DNAJC6: variants seen among roughly 807,000 people sequenced by gnomAD.
DNAJC6 encodes the protein DnaJ heat shock protein family (Hsp40) member C6, also known as auxilin.
A neutral mutation model predicts 110.0 loss-of-function variants in DNAJC6; 34 were observed. That is an observed-to-expected ratio of 0.31 (90% CI 0.24 to 0.41). DNAJC6 has a LOEUF of 0.41. Among genes scored for constraint, DNAJC6 ranks in the 10% least tolerant of loss-of-function variants. The pLI is 1.00. For missense variants in DNAJC6, 1,031 were observed against 1,207.8 expected (o/e 0.85, Z 2.17); for synonymous variants, 406 against 437.2 (o/e 0.93, Z 0.89).
chr1:65,407,618 T>C (rs1453459500), intron 16 of DNAJC6, among the ~76,000 whole-genome samples: 1 of 152,180 alleles, frequency 6.6e-6, no homozygotes, highest in African/African-American at 2.4e-5. Context: ...AGCAGGGATA[T>C]TTCCTGGACA....
At chr1:65,329,936 C>T (rs1243868093) in intron 1 of DNAJC6, among the ~76,000 whole-genome samples, 2 of 152,158 alleles carry the variant, frequency 1.3e-5, no homozygotes, top group Admixed American at 6.5e-5. Context: ...CTTGGTGCAA[C>T]ATACATTCTT....
At chr1:65,313,861 G>A (rs1645124954) in intron 1 of DNAJC6, among the ~76,000 whole-genome samples, 1 of 152,226 alleles carries the variant, frequency 6.6e-6, no homozygotes, top group East Asian at 1.9e-4. Context: ...TCATTTAAAG[G>A]TCATCCTGTC....
At position 65,366,190 on chromosome 1, in the gene DNAJC6, C is replaced by T. The variant is rs1242825487; in HGVS notation, c.537C>T (p.His179=). 1.2e-6 allele frequency: 2 copies of T among 1,613,432 alleles called. No homozygotes were observed. Among genetic ancestry groups the T allele is most frequent in the East Asian group, 4.5e-5 (2 of 44,872 alleles). Residue 179 remains histidine (H), a synonymous_variant, in exon 4 of 19, where the codon CAC becomes CAT. Transcript: ENST00000371069. ...AGTCTTATCGAACTGCCAAGTTTCACAGCCGGGTAAGGATTTTTAGCCCTG... is the reference window on the plus strand; with the variant it reads ...AGTCTTATCGAACTGCCAAGTTTCATAGCCGGGTAAGGATTTTTAGCCCTG... ...SPKSYRTAKF[H]SRVSECSWPI... is the part of the protein sequence containing the mutation.
At chr1:65,364,981 G>A (rs1281365961) in intron 2 of DNAJC6, among the ~76,000 whole-genome samples, 196 bp downstream of exon 2, 1 of 152,180 alleles carries the variant, frequency 6.6e-6, no homozygotes, top group East Asian at 1.9e-4. Context: ...GGAGGACTCA[G>A]TTCATTGCCA....
At chr1:65,378,207 CT>C (rs1033108232) in intron 4 of DNAJC6, among the ~76,000 whole-genome samples, 4 of 152,180 alleles carry the variant, frequency 2.6e-5, no homozygotes, top group Admixed American at 1.3e-4. Context: ...CCTTTAGGCT[CT>C]TGTTATCCAT....
intron 1 of DNAJC6, among the ~76,000 whole-genome samples, chr1:65,337,214 G>A (rs1023153111): frequency 2.0e-5 from 3 of 149,372 alleles, no homozygotes; most frequent in African/African-American, 7.4e-5. Flanking sequence ...TTCCATCGGG[G>A]ATATACAATG....
intron 4 of DNAJC6, among the ~76,000 whole-genome samples, chr1:65,368,633 T>A (rs1204304774): frequency 6.7e-6 from 1 of 149,570 alleles, no homozygotes; most frequent in Non-Finnish European, 1.5e-5. Context: ...CTCCTTCTCC[T>A]CCTCCTCATT....
At position 65,293,145 on chromosome 1, in the gene DNAJC6, AACAACACAC is replaced by A. The variant is rs1398526629; in HGVS notation, c.-131+28216_-131+28224del. ...AGAACATCATAGACTGGATAGCATA[AACAACACAC>A]ACTTATATCTCACCATTCTGGTGGC... is the stretch of plus-strand genomic sequence containing the variant. On this transcript the variant is annotated intron_variant, in intron 1 of 19. Coordinates refer to the DNAJC6 transcript ENST00000263441. Among the ~76,000 whole-genome samples the A allele has an allele frequency of 2.6e-5, 4 of 152,352 alleles. No homozygotes were observed. The East Asian group carries it at 7.7e-4, about 29-fold the overall frequency.
At chr1:65,380,937 T>G (rs1286435631) in intron 5 of DNAJC6, among the ~76,000 whole-genome samples, 20 of 145,194 alleles carry the variant, frequency 1.4e-4, no homozygotes, top group East Asian at 4.0e-4. Context: ...TTTTTTTTTT[T>G]GGGACCGAGT....
At chr1:65,364,360 G>A (rs1383931609) in intron 1 of DNAJC6, among the ~76,000 whole-genome samples, 1 of 151,940 alleles carries the variant, frequency 6.6e-6, no homozygotes, top group Non-Finnish European at 1.5e-5. Flanking sequence ...CATATTTCAG[G>A]CGCTCAATTG....
chr1:65,388,101 A>G (rs1645889722), intron 8 of DNAJC6, among the ~76,000 whole-genome samples: 1 of 152,230 alleles, frequency 6.6e-6, no homozygotes, highest in Non-Finnish European at 1.5e-5. Context: ...GCCTGTGTGC[A>G]AGAACATAGT....
intron 1 of DNAJC6, among the ~76,000 whole-genome samples, chr1:65,275,998 C>A (rs533508588): frequency 6.3e-4 from 95 of 150,968 alleles, no homozygotes; most frequent in African/African-American, 2.3e-3. Context: ...AAGCGATCTT[C>A]AGCCTCCTGA....
In DNAJC6 at chr1:65,401,886, A is replaced by G; in HGVS notation, c.2227+6A>G. 1 of 1,612,554 alleles carries G rather than the reference A, an allele frequency of 6.2e-7. No homozygotes were observed. The highest frequency in any genetic ancestry group is 1.3e-5 in the African/African-American group (1 of 74,854). ...TGCCGACCTTGGGACACTAGGTACAAACTCAGAAGATCAAGATACAAATAA... is the reference window on the plus strand; with the variant it reads ...TGCCGACCTTGGGACACTAGGTACAGACTCAGAAGATCAAGATACAAATAA... On this transcript the variant is annotated splice_donor_region_variant and intron_variant, in intron 15 of 18. Transcript: ENST00000371069.
At position 65,372,430 on chromosome 1, in the gene DNAJC6, C is replaced by T. The variant is rs578071204; in HGVS notation, c.543+6234C>T. ...CTGAGCACCTACCATATGAGCAACA[C>T]ATGCACAGTGGACACTGGGGTTACA... On this transcript the variant is annotated intron_variant, in intron 4 of 18. Coordinates refer to ENST00000371069, the MANE Select transcript of DNAJC6 (RefSeq NM_001256864.2). 3.3e-5 allele frequency among the ~76,000 whole-genome samples: 5 copies of T among 152,202 alleles called. No individual in the cohort carries two copies. In the East Asian group the frequency reaches 7.7e-4, roughly 24 times the overall value.
intron 1 of DNAJC6, among the ~76,000 whole-genome samples, chr1:65,319,862 A>G (rs1039469376): frequency 1.3e-5 from 2 of 151,178 alleles, no homozygotes; most frequent in African/African-American, 4.9e-5. Flanking sequence ...CCCATCTTCA[A>G]CTTCCTTATC....
chr1:65,306,953 ACTCTCTCTCTCAATCTGTTTCT>A (rs1645044693), upstream of DNAJC6, among the ~76,000 whole-genome samples: 4 of 127,630 alleles, frequency 3.1e-5, no homozygotes, highest in African/African-American at 1.2e-4. Flanking sequence ...GTTAAGTACT[ACTCTCTCTCTCAATCTGTTTCT>A]CTCTCTCTCT....
At position 65,358,771 on chromosome 1, in the gene DNAJC6, G is replaced by GA. The variant is rs1311814956; in HGVS notation, c.194-5857dup. 3.9e-5 allele frequency among the ~76,000 whole-genome samples: 6 copies of GA among 152,088 alleles called. No individual in the cohort carries two copies. The East Asian group carries it at 5.8e-4, about 15-fold the overall frequency. ...GATATTTAACAATTCCCTTACTATT[G>GA]AAAAAAATACATCATTTATAGCCTC... On this transcript the variant is annotated intron_variant, in intron 1 of 18. Transcript: ENST00000371069.
In DNAJC6 at chr1:65,411,301, A is replaced by G; in HGVS notation, c.2686A>G (p.Thr896Ala). Residue 896 changes from threonine to alanine, a missense_variant, in exon 18 of 19, where the codon ACG becomes GCG. By Grantham distance (58) the Thr-to-Ala change is moderately conservative. Coordinates refer to ENST00000371069, the MANE Select transcript of DNAJC6 (RefSeq NM_001256864.2). ...AAGAAATATCAGAGCCCTTCTTTCC[A>G]CGATGCATACCGTACTATGGGCTGG... ...KERNIRALLS[T>A]MHTVLWAGET... The G allele has an allele frequency of 1.9e-6, 3 of 1,614,126 alleles. No homozygotes were observed. The highest frequency in any genetic ancestry group is 2.5e-6 in the Non-Finnish European group (3 of 1,179,986).
At chr1:65,360,516 T>C (rs1049133626) in intron 1 of DNAJC6, among the ~76,000 whole-genome samples, 1 of 152,188 alleles carries the variant, frequency 6.6e-6, no homozygotes, top group African/African-American at 2.4e-5. Flanking sequence ...AACAGTTATA[T>C]ATCAAAGGGG....
Sources: allele counts gnomAD v4.1 joint callset (sites outside exome capture counted in the v4.1 genomes callset), GRCh38; gene constraint gnomAD v4.1.1; transcripts MANE v1.5; gene names NCBI Gene and HGNC (gene_info 2026-07-23, HGNC 2026-07-21).